Variants in CEP120 observed in about 807,000 individuals in gnomAD.
The protein encoded by CEP120 is centrosomal protein 120.
In CEP120, 113 loss-of-function variants were observed where a neutral mutation model predicts 126.5. The observed-to-expected ratio is 0.89, with a 90% CI of 0.77 to 1.04. The LOEUF is 1.04. CEP120 is among the 50% of genes least tolerant of loss of function. The probability of loss-of-function intolerance (pLI) is 0.00; values close to 1 mark genes in which losing one functional copy is unlikely to be tolerated. For synonymous variants in CEP120, 400 were observed against 394.3 expected, an observed-to-expected ratio of 1.01 and a Z score of -0.17; for missense variants, 1,230 against 1,155.7, an observed-to-expected ratio of 1.06 and a Z score of -0.93.
intron 4 of CEP120, 61 bp downstream of exon 4, chr5:123,412,338 C>G: frequency 6.6e-7 from 1 of 1,524,568 alleles, no homozygotes; most frequent in Non-Finnish European, 8.8e-7. Flanking sequence ...CTCCCGCTTC[C>G]TAAAGCTCTA....
At chr5:123,382,325 TAAAAAAAAAAA>T (rs200376887) in intron 13 of CEP120, 125 bp from the exon 14 acceptor site, 3 of 219,238 alleles carry the variant, frequency 1.4e-5, no homozygotes, top group Middle Eastern at 1.4e-3. Flanking sequence ...TTTTTTATTC[TAAAAAAAAAAA>T]AAAAAAAAAG....
intron 14 of CEP120, among the ~76,000 whole-genome samples, chr5:123,378,937 G>C (rs1352469089): frequency 6.6e-6 from 1 of 151,486 alleles, no homozygotes; most frequent in South Asian, 2.1e-4. Flanking sequence ...TGGGCTGTGG[G>C]ACAAGCCAAT....
rs1295800185 is a variant in CEP120, at chr5:123,372,686, A to C, written c.2445T>G (p.Arg815=). 2.5e-6 allele frequency: 4 copies of C among 1,612,078 alleles called. No individual in the cohort carries two copies. Among genetic ancestry groups the C allele is most frequent in the Admixed American group, 1.7e-5 (1 of 59,794 alleles). The change falls in exon 17 of 20, where the codon CGT becomes CGG. Residue 815 remains arginine, a synonymous_variant. Transcript: ENST00000306467. The part of the protein sequence containing the change: ...KDQQNNKPEI[R]LQSEINLLTL... Reference sequence around the variant, plus strand: ...TGAGAAGATTTATTTCAGACTGTAGACGGATTTCTGGTTTGTTGTTTTGCT... The same window carrying C: ...TGAGAAGATTTATTTCAGACTGTAGCCGGATTTCTGGTTTGTTGTTTTGCT...
At chr5:123,414,971 CAAAAAAAAAAAAAA>C (rs56756568) in intron 3 of CEP120, among the ~76,000 whole-genome samples, 1 of 40,636 alleles carries the variant, frequency 2.5e-5, no homozygotes, top group African/African-American at 1.2e-4. Flanking sequence ...GACTCCATCT[CAAAAAAAAAAAAAA>C]AAAAAAAAAA....
rs762613427 is a variant in CEP120, at chr5:123,385,077, A to C, written c.1637T>G (p.Leu546Arg). The change falls in exon 11 of 20, where the codon CTG becomes CGG. Residue 546 changes from leucine to arginine, a missense_variant. Transcript: ENST00000306467. ...HKDKMSKDLL[L>R]GIARIQLSNI... is the part of the protein sequence containing the mutation. ...AGAAAGCTGGATTCTCGCAATTCCC[A>C]GAAGTAAATCTTTACTCATTTTATC... 1 of 1,613,800 alleles carries C rather than the reference A, an allele frequency of 6.2e-7. No individual in the cohort carries two copies. Among genetic ancestry groups the C allele is most frequent in the East Asian group, 2.2e-5 (1 of 44,854 alleles).
At chr5:123,404,443 G>A (rs564073540) in intron 4 of CEP120, among the ~76,000 whole-genome samples, 8 of 152,224 alleles carry the variant, frequency 5.3e-5, no homozygotes, top group Admixed American at 2.0e-4. Flanking sequence ...GGGGGTCTTC[G>A]GCACAGAAGA....
chr5:123,422,612 T>G, intron 1 of CEP120: 2 of 1,389,988 alleles, frequency 1.4e-6, no homozygotes, highest in Non-Finnish European at 2.0e-6. Context: ...GTGCTATTAT[T>G]GGGAACCGCT....
At chr5:123,347,164 A>G (rs963675808) in intron 19 of CEP120, among the ~76,000 whole-genome samples, 2 of 152,146 alleles carry the variant, frequency 1.3e-5, no homozygotes, top group Non-Finnish European at 2.9e-5. Flanking sequence ...TACATATGCA[A>G]TTCTGTATAC....
At chr5:123,347,807 G>A (rs930717417) in intron 19 of CEP120, among the ~76,000 whole-genome samples, 3 of 151,908 alleles carry the variant, frequency 2.0e-5, no homozygotes, top group African/African-American at 7.3e-5. Flanking sequence ...ACCACACCCG[G>A]CTAAATTTTG....
At chr5:123,362,217 C>T (rs1770133242) in intron 18 of CEP120, among the ~76,000 whole-genome samples, 2 of 151,676 alleles carry the variant, frequency 1.3e-5, no homozygotes, top group South Asian at 4.1e-4. Flanking sequence ...TTCTCATTAC[C>T]AGACCTGGTC....
chr5:123,398,127 C>T (rs1231575057), intron 5 of CEP120, among the ~76,000 whole-genome samples: 13 of 152,128 alleles, frequency 8.5e-5, no homozygotes, highest in Admixed American at 6.5e-4. Flanking sequence ...AAAAATTGTA[C>T]AGTTATAAAC....
At chr5:123,409,994 A>C (rs1402047734) in intron 4 of CEP120, among the ~76,000 whole-genome samples, 1 of 144,190 alleles carries the variant, frequency 6.9e-6, no homozygotes, top group African/African-American at 2.6e-5. Context: ...AAAAAAAACC[A>C]CACACACACA....
chr5:123,377,436 C>T lies in CEP120; in HGVS notation c.2296G>A (p.Val766Ile), dbSNP rs1261149615. ...TTGATTTTTAACCTTTCTAGTTCTA[C>T]TTGGTGAATACAGTCCTCTTTGGCC... is the stretch of plus-strand genomic sequence containing the variant. ...RRAKEDCIHQ[V>I]ELERLKIKQL... The change falls in exon 16 of 20, where the codon GTA (valine) becomes ATA (isoleucine). Residue 766 changes from valine (V) to isoleucine (I), a missense_variant. Val to Ile is a conservative substitution (Grantham distance 29). Transcript: ENST00000306467. 1 of 1,611,344 alleles carries T rather than the reference C, an allele frequency of 6.2e-7. No homozygotes were observed. The highest frequency in any genetic ancestry group is 1.3e-5 in the African/African-American group (1 of 74,708).
At position 123,389,847 on chromosome 5, in the gene CEP120, G is replaced by A. The variant is rs1426392930; in HGVS notation, c.1255+77C>T. On this transcript the variant is annotated intron_variant, in intron 8 of 19. Transcript: ENST00000306467. ...CAATTTTTACTTATAACTCATGAAA[G>A]TTCTCATAGTCATTTTTTAGATGGC... The A allele has an allele frequency of 4.6e-6, 6 of 1,300,586 alleles. No individual in the cohort carries two copies. The East Asian group carries it at 1.2e-4, about 25-fold the overall frequency. The allele number at this position is 1,300,586 out of a possible 1,614,324, so 80.6% of individuals were successfully genotyped here.
chr5:123,390,318 G>A, intron 7 of CEP120, 178 bp from the exon 8 acceptor site: 1 of 674,976 alleles, frequency 1.5e-6, no homozygotes, highest in Non-Finnish European at 2.7e-6. Context: ...GAAAAAGGAA[G>A]ATGAACAGAG....
intron 18 of CEP120, among the ~76,000 whole-genome samples, chr5:123,359,705 G>C (rs967266596): frequency 6.6e-6 from 1 of 151,896 alleles, no homozygotes; most frequent in Non-Finnish European, 1.5e-5. Context: ...TTTTACAGCT[G>C]TTGCCTTCCC....
intron 15 of CEP120, 131 bp downstream of exon 15, chr5:123,378,205 A>T (rs756259156): frequency 3.3e-5 from 20 of 600,162 alleles, no homozygotes; most frequent in Admixed American, 1.8e-4. Flanking sequence ...TGCTTGTCTC[A>T]TTCTTATAAG....
At chr5:123,385,971 T>A (rs1771993132) in intron 10 of CEP120, among the ~76,000 whole-genome samples, 3 of 152,170 alleles carry the variant, frequency 2.0e-5, no homozygotes, top group Admixed American at 2.0e-4. Context: ...TTCCCACAAA[T>A]GGTTAGATTT....
intron 7 of CEP120, 63 bp downstream of exon 7, chr5:123,391,047 T>G (rs1187057560): frequency 1.6e-5 from 20 of 1,240,742 alleles, no homozygotes; most frequent in Non-Finnish European, 2.2e-5. Flanking sequence ...GAAATTCAAC[T>G]TTTGTAAGTA....
Sources: gnomAD v4.1 joint callset for allele counts (sites outside exome capture counted in the v4.1 genomes callset) on GRCh38, gnomAD v4.1.1 for gene constraint, MANE v1.5 for transcripts, NCBI Gene and HGNC (gene_info 2026-07-23, HGNC 2026-07-21) for gene names.